DUOX2: variants seen among roughly 807,000 people sequenced by gnomAD.
The protein encoded by DUOX2 is dual oxidase 2, also known as NADH/NADPH thyroid oxidase p138-tox.
A neutral mutation model predicts 183.3 loss-of-function variants in DUOX2; 185 were observed. The observed-to-expected ratio is 1.01, with a 90% CI of 0.90 to 1.14. DUOX2 has a LOEUF of 1.14. Among genes scored for constraint, DUOX2 ranks in the 50% most tolerant of loss-of-function variants. DUOX2 has a pLI of 0.00. For synonymous variants in DUOX2, 788 were observed against 812.4 expected (o/e 0.97, Z 0.51); for missense variants, 1,999 against 2,022.9 (o/e 0.99, Z 0.23).
chr15:45,105,603 T>C, intron 18 of DUOX2, 40 bp downstream of exon 18: 1 of 1,613,450 alleles, frequency 6.2e-7, no homozygotes, highest in Middle Eastern at 1.7e-4. Flanking sequence ...CCTCCATTTC[T>C]GGGGCTGGAC....
At chr15:45,102,298 G>A (rs552906576) in intron 20 of DUOX2, among the ~76,000 whole-genome samples, 4 of 152,186 alleles carry the variant, frequency 2.6e-5, no homozygotes, top group African/African-American at 9.7e-5. Context: ...GCCCTCTCTC[G>A]TGGCAGGCTC....
Position 45,110,659 on chromosome 15 carries a change from C to T in DUOX2, c.934G>A (p.Glu312Lys). The T allele has an allele frequency of 6.2e-7, 1 of 1,612,948 alleles. No homozygotes were observed. The highest frequency in any genetic ancestry group is 1.1e-5 in the South Asian group (1 of 91,034). ...TTCCCCGCTCCCTCACCTGTATACT[C>T]CGGGAGTGTTTTCTGCAGGAAGCTG... Reference protein sequence around the residue: ...LPSFLQKTLPEYTGYRPFLDP... With the variant: ...LPSFLQKTLPKYTGYRPFLDP... Residue 312 changes from glutamate (E) to lysine (K), a missense_variant, in exon 8 of 34, where the codon GAG becomes AAG. This residue lies in a region of DUOX2 where 1,628 missense variants were observed against 1,608.6 expected (regional missense o/e 1.01). Coordinates refer to ENST00000389039, the MANE Select transcript of DUOX2 (RefSeq NM_001363711.2).
chr15:45,101,928 A>G lies in DUOX2; in HGVS notation c.2716T>C (p.Ser906Pro), dbSNP rs768362375. ...TGGAATCCCGACTCCCGGAACATAG[A>G]CTCCACCACCTCGGCCAGCTGGGCC... ...SKAQLAEVVE[S>P]MFRESGFQDK... The change falls in exon 21 of 34, where the codon TCT (serine) becomes CCT (proline). Residue 906 changes from serine (S) to proline (P), a missense_variant. Ser to Pro is a moderately conservative substitution (Grantham distance 74, BLOSUM62 -1). Coordinates refer to ENST00000389039, the MANE Select transcript of DUOX2 (RefSeq NM_001363711.2). The G allele has an allele frequency of 1.9e-6, 3 of 1,614,010 alleles. No individual in the cohort carries two copies. The highest frequency in any genetic ancestry group is 2.2e-5 in the East Asian group (1 of 44,870).
In DUOX2 at chr15:45,099,400, G is replaced by A. The variant is rs368746258; in HGVS notation, c.3498C>T (p.Asn1166=). 2.6e-5 allele frequency: 42 copies of A among 1,613,996 alleles called. 1 individual carries two copies. The highest frequency in any genetic ancestry group is 1.7e-4 in the African/African-American group (13 of 75,034). Residue 1166 remains asparagine, a synonymous_variant, in exon 26 of 34, where the codon AAC becomes AAT. Coordinates refer to ENST00000389039, the MANE Select transcript of DUOX2 (RefSeq NM_001363711.2). ...PLSLLACIFP[N]VFVNDGSKLP... ...GAACTGACCCATCATTCACAAAGAC[G>A]TTGGGGAATATGCAGGCCAGCAGGC...
chr15:45,097,600 G>A lies in DUOX2; in HGVS notation c.3693+14C>T. 6.2e-7 allele frequency: 1 copy of A among 1,614,238 alleles called. No individual in the cohort carries two copies. Among genetic ancestry groups the A allele is most frequent in the Non-Finnish European group, 8.5e-7 (1 of 1,180,044 alleles). ...GCTCCCTGCTCCATGGGCTGGCCCAGGGAAGTCCCTCACCAGGGCATAGAG... is the reference window on the plus strand; with the variant it reads ...GCTCCCTGCTCCATGGGCTGGCCCAAGGAAGTCCCTCACCAGGGCATAGAG... On this transcript the variant is annotated intron_variant, in intron 28 of 33. Coordinates refer to ENST00000389039, the MANE Select transcript of DUOX2 (RefSeq NM_001363711.2).
At position 45,104,080 on chromosome 15, in the gene DUOX2, C is replaced by A; in HGVS notation, c.2561-27G>T. The stretch of plus-strand genomic sequence containing the variant: ...TGGGAAGAAAAAAGGGAATGCAGGT[C>A]ATCTCCTTGCTGAAAGACCCCTGGA... On this transcript the variant is annotated intron_variant, in intron 19 of 33. Transcript: ENST00000389039. 1.9e-6 allele frequency: 3 copies of A among 1,614,090 alleles called. No individual in the cohort carries two copies. The South Asian group carries it at 3.3e-5, about 18-fold the overall frequency.
intron 29 of DUOX2, 64 bp from the exon 30 acceptor site, chr15:45,096,124 T>G: frequency 7.2e-7 from 1 of 1,395,646 alleles, no homozygotes; most frequent in African/African-American, 1.4e-5. Flanking sequence ...TGAGGACTGA[T>G]AGGCACCTGT....
intron 15 of DUOX2, 94 bp from the exon 16 acceptor site, chr15:45,106,735 T>C (rs992293093): frequency 3.1e-6 from 5 of 1,609,762 alleles, no homozygotes; most frequent in Non-Finnish European, 3.4e-6. Context: ...AGAGGTTCCT[T>C]GAGCCTGGTC....
rs1894156769 is a variant in DUOX2 at position 45,104,276 on chromosome 15, C to T, written c.2424G>A (p.Arg808=). The T allele has an allele frequency of 6.2e-7, 1 of 1,614,020 alleles. No individual in the cohort carries two copies. The highest frequency in any genetic ancestry group is 1.3e-5 in the African/African-American group (1 of 74,920). ...GGCCCAGGGACTCGGCAAACTCGGC[C>T]CTGCTCAGCTCGCAGGTCAGGGCCT... ...VREALTCELS[R]AEFAESLGLK... Residue 808 remains arginine (R), a synonymous_variant, in exon 19 of 34, where the codon AGG becomes AGA. Transcript: ENST00000389039.
intron 3 of DUOX2, 134 bp from the exon 4 acceptor site, chr15:45,112,852 G>A: frequency 1.3e-6 from 2 of 1,542,398 alleles, no homozygotes; most frequent in South Asian, 2.2e-5. Context: ...TTGGCCCCGG[G>A]AGCGCATAAG....
intron 17 of DUOX2, 126 bp from the exon 18 acceptor site, chr15:45,105,954 A>G (rs1894201133): frequency 2.1e-6 from 3 of 1,413,704 alleles, no homozygotes; most frequent in Non-Finnish European, 2.9e-6. Flanking sequence ...GGCTGGGGCC[A>G]GGTGTGTGGA....
At chr15:45,112,514 G>C in intron 4 of DUOX2, 40 bp downstream of exon 4, 1 of 1,605,558 alleles carries the variant, frequency 6.2e-7, no homozygotes, top group Non-Finnish European at 8.5e-7. Context: ...GCTGAGCAGA[G>C]CGCCAGATCA....
Position 45,108,060 on chromosome 15 carries a change from T to C in DUOX2, c.1561A>G (p.Asn521Asp), listed in dbSNP as rs1420625870. The change falls in exon 13 of 34, where the codon AAC (asparagine) becomes GAC (aspartate). Residue 521 changes from asparagine (N) to aspartate (D), a missense_variant. Physicochemically the swap from Asn to Asp is conservative, Grantham distance 23. Around this residue, in one of 3 missense-constraint regions of DUOX2, gnomAD observed 1,628 missense variants for 1,608.6 expected, o/e 1.01. Coordinates refer to ENST00000389039, the MANE Select transcript of DUOX2 (RefSeq NM_001363711.2). Reference protein sequence around the residue: ...LRDGDRYWFENTRNGLFSKKE... With the variant: ...LRDGDRYWFEDTRNGLFSKKE... ...GGCAAGCCTTACCCATTCCTGGTGT[T>C]CTCAAACCAGTAGCGGTCACCATCC... 3.1e-6 allele frequency: 5 copies of C among 1,613,796 alleles called. No homozygotes were observed. The highest frequency in any genetic ancestry group is 4.2e-6 in the Non-Finnish European group (5 of 1,179,948).
At position 45,095,419 on chromosome 15, in the gene DUOX2, T is replaced by C. The variant is rs1312357866; in HGVS notation, c.4239+18A>G. On this transcript the variant is annotated intron_variant, in intron 31 of 33. Coordinates refer to ENST00000389039, the MANE Select transcript of DUOX2 (RefSeq NM_001363711.2). ...GGCCACCTATGCCCCATTTGATGAA[T>C]GAGGGAGGGATGCTCACCTTCTTAC... 6.2e-7 allele frequency: 1 copy of C among 1,614,128 alleles called. No individual in the cohort carries two copies. The highest frequency in any genetic ancestry group is 8.5e-7 in the Non-Finnish European group (1 of 1,179,988).
rs927259649 is a variant in DUOX2, at chr15:45,108,154, G to A, written c.1467C>T (p.Leu489=). 3.7e-6 allele frequency: 6 copies of A among 1,614,148 alleles called. No individual in the cohort carries two copies. In the South Asian group the frequency reaches 5.5e-5, roughly 15 times the overall value. Residue 489 remains leucine (L), a synonymous_variant, in exon 13 of 34, where the codon CTC becomes CTT. Transcript: ENST00000389039. ...GTCCAGGGTCCCCATGGCTCTCCAG[G>A]AGCCCCCCAAGGAGCAGCTCTAGCT... The part of the protein sequence containing the change: ...LSQLELLLGG[L]LESHGDPGPL...
chr15:45,103,895 C>A, intron 20 of DUOX2, 65 bp downstream of exon 20: 2 of 1,568,402 alleles, frequency 1.3e-6, no homozygotes, highest in Non-Finnish European at 1.8e-6. Context: ...CCTCCTCTGA[C>A]TGGACCTGTT....
chr15:45,108,283 G>T, intron 12 of DUOX2, 61 bp from the exon 13 acceptor site: 3 of 1,594,222 alleles, frequency 1.9e-6, no homozygotes, highest in Non-Finnish European at 2.6e-6. Flanking sequence ...AGCCACTGTT[G>T]CCCCATCCCT....
At position 45,113,066 on chromosome 15, in the gene DUOX2, G is replaced by A. The variant is rs866732983; in HGVS notation, c.81C>T (p.Asp27=). Residue 27 remains aspartate (D), a synonymous_variant, in exon 3 of 34, where the codon GAC becomes GAT. Coordinates refer to ENST00000389039, the MANE Select transcript of DUOX2 (RefSeq NM_001363711.2). ...TGSLGPSGSQ[D]ALSLPWEVQR... is the part of the protein sequence containing the mutation. ...GCACTTCCCAGGGCAGTGAGAGTGCGTCCTGACTGCCTGTGGGCACAGAGA... is the reference window on the plus strand; with the variant it reads ...GCACTTCCCAGGGCAGTGAGAGTGCATCCTGACTGCCTGTGGGCACAGAGA... The A allele has an allele frequency of 1.9e-6, 3 of 1,613,854 alleles. No individual in the cohort carries two copies. Among genetic ancestry groups the A allele is most frequent in the Middle Eastern group, 3.3e-4 (2 of 6,044 alleles).
At chr15:45,109,499 C>G (rs376709995) in intron 11 of DUOX2, 25 bp downstream of exon 11, 4 of 1,610,082 alleles carry the variant, frequency 2.5e-6, no homozygotes, top group Admixed American at 1.7e-5. Context: ...CCCTTACCAT[C>G]CACCCCTTCT....
Sources: allele counts gnomAD v4.1 joint callset (sites outside exome capture counted in the v4.1 genomes callset), GRCh38; gene constraint gnomAD v4.1.1; regional missense constraint gnomAD v4.1.1; transcripts MANE v1.5; gene names NCBI Gene and HGNC (gene_info 2026-07-23, HGNC 2026-07-21).